The following ADK variants were observed in gnomAD, a reference collection of about 807,000 sequenced individuals.
ADK encodes adenosine kinase.
ADK carries 24 observed loss-of-function variants against 44.7 expected under a neutral mutation model. That is an observed-to-expected ratio of 0.54 (90% CI 0.39 to 0.76). The LOEUF (loss-of-function observed/expected upper bound fraction) is 0.76. ADK is among the 30% of genes least tolerant of loss of function. The probability of loss-of-function intolerance (pLI) is 0.00; values close to 1 mark genes in which losing one functional copy is unlikely to be tolerated. For missense variants in ADK, 321 were observed against 425.1 expected, an observed-to-expected ratio of 0.76 and a Z score of 2.15; for synonymous variants, 128 against 142.6, an observed-to-expected ratio of 0.90 and a Z score of 0.73.
chr10:74,319,731 T>C (rs1031975433), intron 4 of ADK, among the ~76,000 whole-genome samples: 3 of 152,184 alleles, frequency 2.0e-5, no homozygotes, highest in African/African-American at 7.2e-5. Context: ...CCTTCTTCCT[T>C]TTCTTTCCTG....
chr10:74,371,871 C>A, intron 4 of ADK: 1 of 1,440,514 alleles, frequency 6.9e-7, no homozygotes, highest in Non-Finnish European at 9.6e-7. Flanking sequence ...TAACCACATC[C>A]AGGCAGCCTT....
At chr10:74,657,670 TC>T (rs1854536879) in intron 9 of ADK, among the ~76,000 whole-genome samples, 1 of 152,304 alleles carries the variant, frequency 6.6e-6, no homozygotes, top group East Asian at 1.9e-4. Flanking sequence ...GTAGGAATAA[TC>T]ACTATATTCA....
rs1276565375 is a variant in ADK at position 74,641,462 on chromosome 10, A to G, written c.878-28721A>G. ...CCCATCTATCTTGGGTTGGGTTTCT[A>G]TCTTGGTCTTAAGTTATCAGTATTC... is the stretch of plus-strand genomic sequence containing the variant. On this transcript the variant is annotated intron_variant, in intron 9 of 10. Transcript: ENST00000539909. The G allele has an allele frequency of 2.6e-5, 4 of 152,190 alleles. No individual in the cohort carries two copies. In the East Asian group the frequency reaches 7.7e-4, roughly 29 times the overall value. 9.4% of individuals were successfully genotyped at this position (152,190 alleles called of 1,614,324 possible).
chr10:74,600,577 A>G, intron 9 of ADK, 84 bp downstream of exon 9: 1 of 607,178 alleles, frequency 1.6e-6, no homozygotes, highest in Non-Finnish European at 2.9e-6. Flanking sequence ...TTCTATTATA[A>G]TATATACAAT....
chr10:74,496,775 A>G (rs1239187718), intron 6 of ADK, among the ~76,000 whole-genome samples: 1 of 152,116 alleles, frequency 6.6e-6, no homozygotes, highest in East Asian at 1.9e-4. Context: ...AGCCAGAAAT[A>G]CTATCTTAAA....
chr10:74,703,409 G>C (rs1856501906), intron 10 of ADK, among the ~76,000 whole-genome samples: 1 of 151,996 alleles, frequency 6.6e-6, no homozygotes, highest in Non-Finnish European at 1.5e-5. Context: ...CTGAGCCTAG[G>C]GAGTTGAGGC....
chr10:74,371,871 C>T, intron 4 of ADK: 17 of 1,440,516 alleles, frequency 1.2e-5, no homozygotes, highest in Non-Finnish European at 1.5e-5. Context: ...TAACCACATC[C>T]AGGCAGCCTT....
At position 74,258,772 on chromosome 10, in the gene ADK, A is replaced by T. The variant is rs556515759; in HGVS notation, c.194+34181A>T. On this transcript the variant is annotated intron_variant, in intron 3 of 10. Transcript: ENST00000539909. ...TTGAGTGCCATGGGCTGAAGCTGTGATTATATAATATCTTTAGATGTTAAT... is the reference window on the plus strand; with the variant it reads ...TTGAGTGCCATGGGCTGAAGCTGTGTTTATATAATATCTTTAGATGTTAAT... 2.0e-5 allele frequency among the ~76,000 whole-genome samples: 3 copies of T among 152,276 alleles called. No individual in the cohort carries two copies. In the South Asian group the frequency reaches 6.2e-4, roughly 32 times the overall value.
chr10:74,168,536 C>CAAAA (rs140065598), intron 1 of ADK, among the ~76,000 whole-genome samples: 5 of 98,870 alleles, frequency 5.1e-5, no homozygotes, highest in South Asian at 3.3e-4. Context: ...GAGACTGTCT[C>CAAAA]AAAAAAAAAA....
chr10:74,226,440 T>C (rs1484631973), intron 3 of ADK, among the ~76,000 whole-genome samples: 2 of 152,194 alleles, frequency 1.3e-5, no homozygotes, highest in Admixed American at 1.3e-4. Flanking sequence ...GTTTTAAACA[T>C]ATGTTATGTG....
At chr10:74,310,836 C>G (rs1284472919) in intron 3 of ADK, among the ~76,000 whole-genome samples, 1 of 152,020 alleles carries the variant, frequency 6.6e-6, no homozygotes, top group Non-Finnish European at 1.5e-5. Flanking sequence ...TAGCCTCAAC[C>G]CTGAATTTTT....
At chr10:74,417,220 C>T (rs1421095995) in intron 6 of ADK, among the ~76,000 whole-genome samples, 3 of 152,050 alleles carry the variant, frequency 2.0e-5, no homozygotes, top group Non-Finnish European at 2.9e-5. Flanking sequence ...GACTTAGTGC[C>T]AGCAATAAGC....
intron 6 of ADK, among the ~76,000 whole-genome samples, chr10:74,449,773 T>C (rs1845707279): frequency 6.6e-6 from 1 of 152,180 alleles, no homozygotes; most frequent in African/African-American, 2.4e-5. Flanking sequence ...GAGTAAGAAA[T>C]GATGATCTCG....
intron 6 of ADK, among the ~76,000 whole-genome samples, chr10:74,432,407 A>G (rs1845033000): frequency 6.6e-6 from 1 of 152,190 alleles, no homozygotes. Flanking sequence ...CACATTGATC[A>G]TCCTTGTATT....
chr10:74,392,068 TG>T (rs1351631873), intron 4 of ADK, among the ~76,000 whole-genome samples: 6 of 152,312 alleles, frequency 3.9e-5, no homozygotes, highest in African/African-American at 9.6e-5. Context: ...TGTTGATAGA[TG>T]TCTGGGTTGC....
intron 1 of ADK, among the ~76,000 whole-genome samples, chr10:74,158,192 A>C (rs1017402491): frequency 6.6e-6 from 1 of 152,208 alleles, no homozygotes; most frequent in Non-Finnish European, 1.5e-5. Flanking sequence ...TTTAAAAAAA[A>C]ACTTGTATTT....
intron 4 of ADK, among the ~76,000 whole-genome samples, chr10:74,389,049 G>A (rs761876324): frequency 2.0e-5 from 3 of 152,228 alleles, no homozygotes; most frequent in South Asian, 2.1e-4. Flanking sequence ...GTCCTACCAT[G>A]CCTGTTATTC....
chr10:74,371,489 C>T (rs1348098751), intron 4 of ADK: 7 of 687,560 alleles, frequency 1.0e-5, no homozygotes, highest in East Asian at 2.7e-5. Context: ...GTCCATACGG[C>T]GTTCTTTCTG....
chr10:74,447,887 G>A (rs1433359607), intron 6 of ADK, among the ~76,000 whole-genome samples: 2 of 152,058 alleles, frequency 1.3e-5, no homozygotes, highest in African/African-American at 4.8e-5. Flanking sequence ...TTAAGATTTA[G>A]GTTTGGCTGG....
Sources: allele counts gnomAD v4.1 joint callset (sites outside exome capture counted in the v4.1 genomes callset), GRCh38; gene constraint gnomAD v4.1.1; transcripts MANE v1.5; gene names NCBI Gene and HGNC (gene_info 2026-07-23, HGNC 2026-07-21).